Variants in VRK2 observed in about 807,000 individuals in gnomAD.
VRK2 encodes serine/threonine-protein kinase VRK2.
In VRK2, 60 loss-of-function variants were observed where a neutral mutation model predicts 57.6. The observed-to-expected ratio is 1.04, with a 90% CI of 0.85 to 1.29. The LOEUF (loss-of-function observed/expected upper bound fraction) is 1.29. Ranked by LOEUF, VRK2 falls within the 50% of genes most tolerant of loss-of-function variation. The pLI, the probability that VRK2 is intolerant of heterozygous loss-of-function variation, is 0.00. For missense variants in VRK2, 705 were observed against 588.1 expected (o/e 1.20, Z -2.06); for synonymous variants, 231 against 199.2 (o/e 1.16, Z -1.35).
At chr2:58,047,580 GT>G in intron 1 of VRK2, 2 of 478,424 alleles carry the variant, frequency 4.2e-6, no homozygotes, top group Non-Finnish European at 5.5e-6. Context: ...TTAATCAGTA[GT>G]TTACACTTTG....
chr2:57,909,909 G>A (rs1397188310), intron 1 of VRK2, among the ~76,000 whole-genome samples: 3 of 152,008 alleles, frequency 2.0e-5, no homozygotes, highest in Non-Finnish European at 1.5e-5. Context: ...GATATTCTTA[G>A]AAGCTTTGTG....
chr2:57,921,850 A>T (rs1243853441), intron 1 of VRK2, among the ~76,000 whole-genome samples: 1 of 152,088 alleles, frequency 6.6e-6, no homozygotes, highest in Non-Finnish European at 1.5e-5. Flanking sequence ...TTCATTTAGC[A>T]CATATTCTCT....
In VRK2 at chr2:58,158,695, G is replaced by A. The variant is rs534130674; in HGVS notation, c.1183-654G>A. ...TGGTGATCAGGAAACTGATTCCTGG[G>A]ACTTTGGCCAACAGGAATGATGAAA... is the stretch of plus-strand genomic sequence containing the variant. On this transcript the variant is annotated intron_variant, in intron 12 of 12. Coordinates refer to ENST00000340157, the MANE Select transcript of VRK2 (RefSeq NM_006296.7). 1.4e-3 allele frequency among the ~76,000 whole-genome samples: 219 copies of A among 152,228 alleles called. 1 individual carries two copies. Among genetic ancestry groups the A allele is most frequent in the African/African-American group, 5.1e-3 (210 of 41,548 alleles).
chr2:58,145,865 A>C (rs990936939), intron 11 of VRK2, among the ~76,000 whole-genome samples: 1 of 152,034 alleles, frequency 6.6e-6, no homozygotes, highest in Non-Finnish European at 1.5e-5. Flanking sequence ...GAGTGAGAAC[A>C]TGCGGTGTTT....
At chr2:58,146,199 A>C (rs530000484) in intron 11 of VRK2, 117 bp from the exon 12 acceptor site, 1 of 895,516 alleles carries the variant, frequency 1.1e-6, no homozygotes. Flanking sequence ...TTTCCTCTTT[A>C]TTTCCTTTTT....
intron 1 of VRK2, among the ~76,000 whole-genome samples, chr2:57,961,358 C>A (rs1187726960): frequency 6.6e-6 from 1 of 151,998 alleles, no homozygotes; most frequent in Non-Finnish European, 1.5e-5. Context: ...GGCCTGACCA[C>A]AGGAGAGCAA....
At position 57,980,870 on chromosome 2, in the gene VRK2, T is replaced by A. The variant is rs977157441; in HGVS notation, c.-438-44795T>A. ...TAGCAACGCTTGCTTTTTTTTTCTT[T>A]TCTGTTTGCTTGATAGATCTTTCTC... On this transcript the variant is annotated intron_variant, in intron 1 of 15. Transcript: ENST00000417641. Among the ~76,000 whole-genome samples, 76 of 152,326 alleles carry A rather than the reference T, an allele frequency of 5.0e-4. 2 individuals are homozygous for A. Among genetic ancestry groups the A allele is most frequent in the African/African-American group, 1.8e-3 (75 of 41,582 alleles).
At chr2:58,103,118 T>C (rs959960560) in intron 7 of VRK2, among the ~76,000 whole-genome samples, 1 of 151,298 alleles carries the variant, frequency 6.6e-6, no homozygotes, top group African/African-American at 2.4e-5. Context: ...TCTTTAAGTG[T>C]GTACTTCAAA....
chr2:58,003,453 T>G (rs1191960845), intron 1 of VRK2, among the ~76,000 whole-genome samples: 2 of 152,144 alleles, frequency 1.3e-5, no homozygotes, highest in African/African-American at 4.8e-5. Context: ...CAATATTATC[T>G]CTATTATTTA....
chr2:58,146,399 C>T lies in VRK2; in HGVS notation c.1107C>T (p.Ser369=), dbSNP rs1312542359. 8.7e-6 allele frequency: 14 copies of T among 1,611,622 alleles called. No individual in the cohort carries two copies. In the East Asian group the frequency reaches 1.3e-4, roughly 15 times the overall value. Residue 369 remains serine, a synonymous_variant, in exon 12 of 13, where the codon AGC becomes AGT. Coordinates refer to ENST00000340157, the MANE Select transcript of VRK2 (RefSeq NM_006296.7). The part of the protein sequence containing the change: ...LIEKKVHSER[S]AESCATWKVQ... ...AAAAAAAAGTCCACAGTGAGAGAAG[C>T]GCTGAGTCCTGTGCAACATGGAAAG...
chr2:57,935,174 G>A (rs1288010912), intron 1 of VRK2, among the ~76,000 whole-genome samples: 1 of 152,116 alleles, frequency 6.6e-6, no homozygotes, highest in African/African-American at 2.4e-5. Flanking sequence ...TGCTGTCTTT[G>A]CATTTGAGGA....
At chr2:57,985,547 A>G (rs922809231) in intron 1 of VRK2, among the ~76,000 whole-genome samples, 2 of 152,058 alleles carry the variant, frequency 1.3e-5, no homozygotes, top group South Asian at 4.1e-4. Context: ...ATATTATATT[A>G]CATCCTTAAG....
At chr2:58,128,866 A>G (rs1238708709) in intron 8 of VRK2, among the ~76,000 whole-genome samples, 1 of 152,216 alleles carries the variant, frequency 6.6e-6, no homozygotes, top group Admixed American at 6.5e-5. Context: ...CATAAATCAC[A>G]TCAATTGTTT....
At chr2:58,137,192 ACATATATATC>A (rs1558686916) in intron 10 of VRK2, among the ~76,000 whole-genome samples, 12 of 55,056 alleles carry the variant, frequency 2.2e-4, no homozygotes, top group East Asian at 1.2e-3. Context: ...CATATATGAT[ACATATATATC>A]TCATATATGA....
In VRK2 at chr2:57,980,856, GCTTTTTTTTTCTT is replaced by G. The variant is rs1190061633; in HGVS notation, c.-438-44808_-438-44796del. ...GCCTAAAATAAGAATAGCAACGCTT[GCTTTTTTTTTCTT>G]TTCTGTTTGCTTGATAGATCTTTCT... On this transcript the variant is annotated intron_variant, in intron 1 of 15. Coordinates refer to the VRK2 transcript ENST00000417641. 5.0e-4 allele frequency among the ~76,000 whole-genome samples: 76 copies of G among 152,124 alleles called. 2 individuals are homozygous for G. The highest frequency in any genetic ancestry group is 1.8e-3 in the African/African-American group (75 of 41,526).
chr2:58,058,646 A>C (rs1262069280), intron 2 of VRK2, among the ~76,000 whole-genome samples: 1 of 152,076 alleles, frequency 6.6e-6, no homozygotes, highest in Non-Finnish European at 1.5e-5. Context: ...TATCTGATAA[A>C]TGCTGGGACT....
At chr2:58,020,478 T>C (rs1029245572) in intron 1 of VRK2, among the ~76,000 whole-genome samples, 4 of 152,270 alleles carry the variant, frequency 2.6e-5, no homozygotes, top group African/African-American at 9.6e-5. Context: ...TCACTGGGAT[T>C]ACAGGTGCAA....
intron 1 of VRK2, among the ~76,000 whole-genome samples, chr2:57,961,938 A>G (rs1671774266): frequency 6.6e-6 from 1 of 152,050 alleles, no homozygotes; most frequent in Non-Finnish European, 1.5e-5. Context: ...TTAGCTGGGC[A>G]CGGTGGCAAA....
chr2:57,947,425 G>C (rs1250295379), intron 1 of VRK2, among the ~76,000 whole-genome samples: 2 of 152,108 alleles, frequency 1.3e-5, no homozygotes, highest in East Asian at 3.8e-4. Flanking sequence ...CTAGGAACAT[G>C]TTTCATGAAA....
Sources: gnomAD v4.1 joint callset for allele counts (sites outside exome capture counted in the v4.1 genomes callset) on GRCh38, gnomAD v4.1.1 for gene constraint, MANE v1.5 for transcripts, NCBI Gene and HGNC (gene_info 2026-07-23, HGNC 2026-07-21) for gene names.